Variants in GAB1 observed in about 807,000 individuals in gnomAD.
The protein encoded by GAB1 is GRB2 associated binding protein 1.
Under a neutral mutation model 66.5 loss-of-function variants are expected in GAB1, and 19 were observed. That is an observed-to-expected ratio of 0.29 (90% CI 0.20 to 0.42). The LOEUF (loss-of-function observed/expected upper bound fraction) is 0.42, where lower values mean the gene tolerates loss of function less well. GAB1 is among the 10% of genes least tolerant of loss of function. The pLI, the probability that GAB1 is intolerant of heterozygous loss-of-function variation, is 1.00. For missense variants in GAB1, 732 were observed against 858.5 expected (o/e 0.85, Z 1.84); for synonymous variants, 294 against 301.4 (o/e 0.98, Z 0.25).
In GAB1 at chr4:143,357,955, T is replaced by C. The variant is rs191296954; in HGVS notation, c.72+20695T>C. On this transcript the variant is annotated intron_variant, in intron 1 of 9. Transcript: ENST00000262994. ...ATACATGTTTTGTAAATCTCTCCTTTAGTGGAAGGGAAAGAGGATGCAACT... is the reference window on the plus strand; with the variant it reads ...ATACATGTTTTGTAAATCTCTCCTTCAGTGGAAGGGAAAGAGGATGCAACT... Among the ~76,000 whole-genome samples the C allele has an allele frequency of 2.3e-3, 347 of 152,126 alleles. 3 individuals are homozygous for C. The highest frequency in any genetic ancestry group is 8.0e-3 in the African/African-American group (332 of 41,506).
chr4:143,362,560 C>T (rs1456566941), intron 1 of GAB1, among the ~76,000 whole-genome samples: 1 of 152,148 alleles, frequency 6.6e-6, no homozygotes, highest in Non-Finnish European at 1.5e-5. Context: ...CAGTTTCTCC[C>T]CCTTTTAAAA....
At chr4:143,445,616 G>A (rs936864941) in intron 6 of GAB1, among the ~76,000 whole-genome samples, 4 of 151,994 alleles carry the variant, frequency 2.6e-5, no homozygotes, top group African/African-American at 9.7e-5. Context: ...CTCAATTTCC[G>A]GTTTGTTGCA....
Position 143,340,024 on chromosome 4 carries a change from T to TTATTTAACTGTCAGGTTAAATAAGGCTTG in GAB1, c.72+2770_72+2798dup, listed in dbSNP as rs1553942346. Among the ~76,000 whole-genome samples, 267 of 152,212 alleles carry TTATTTAACTGTCAGGTTAAATAAGGCTTG rather than the reference T, an allele frequency of 1.8e-3. 2 individuals are homozygous for TTATTTAACTGTCAGGTTAAATAAGGCTTG. Among genetic ancestry groups the TTATTTAACTGTCAGGTTAAATAAGGCTTG allele is most frequent in the African/African-American group, 6.4e-3 (264 of 41,494 alleles). On this transcript the variant is annotated intron_variant, in intron 1 of 9. Transcript: ENST00000262994. Reference sequence around the variant, plus strand: ...TGGAGTGTAATGAGTTAAATAAGGCTTATTTAACTGTCAGGTTAAATAAGG... The same window carrying TTATTTAACTGTCAGGTTAAATAAGGCTTG: ...TGGAGTGTAATGAGTTAAATAAGGCTTATTTAACTGTCAGGTTAAATAAGGCTTGTATTTAACTGTCAGGTTAAATAAGG...
chr4:143,375,303 A>G (rs957728402), intron 1 of GAB1, among the ~76,000 whole-genome samples: 123 of 152,364 alleles, frequency 8.1e-4, no homozygotes, highest in African/African-American at 2.9e-3. Flanking sequence ...GATCTATTTT[A>G]AAACTTGCCA....
chr4:143,343,057 C>CT (rs916570912), intron 1 of GAB1, among the ~76,000 whole-genome samples: 1 of 152,284 alleles, frequency 6.6e-6, no homozygotes, highest in African/African-American at 2.4e-5. Context: ...GAAACTCAGA[C>CT]TGAGTGTCAG....
intron 6 of GAB1, among the ~76,000 whole-genome samples, chr4:143,447,289 G>T (rs1319787837): frequency 6.6e-6 from 1 of 152,082 alleles, no homozygotes; most frequent in Non-Finnish European, 1.5e-5. Context: ...CTCTTTTTTG[G>T]TTCTATATGA....
chr4:143,458,732 C>A (rs1239796465), intron 6 of GAB1, among the ~76,000 whole-genome samples: 1 of 151,876 alleles, frequency 6.6e-6, no homozygotes, highest in East Asian at 1.9e-4. Context: ...TATAATTTAG[C>A]AAGAGATTTG....
intron 8 of GAB1, 69 bp from the exon 9 acceptor site, chr4:143,466,034 A>T (rs1735761086): frequency 1.9e-6 from 3 of 1,554,464 alleles, no homozygotes; most frequent in Non-Finnish European, 2.6e-6. Context: ...GCTTCCGTAG[A>T]TGTTCAACAG....
At chr4:143,402,080 G>C (rs1731806962) in intron 1 of GAB1, among the ~76,000 whole-genome samples, 1 of 151,686 alleles carries the variant, frequency 6.6e-6, no homozygotes, top group Non-Finnish European at 1.5e-5. Flanking sequence ...CTCTTTAACA[G>C]CTGCTAGAAT....
At chr4:143,401,885 A>G (rs1386670089) in intron 1 of GAB1, among the ~76,000 whole-genome samples, 1 of 152,196 alleles carries the variant, frequency 6.6e-6, no homozygotes, top group Non-Finnish European at 1.5e-5. Context: ...TATTTATTTA[A>G]AATAAATTTG....
chr4:143,346,010 TAGCC>T (rs1237247638), intron 1 of GAB1, among the ~76,000 whole-genome samples: 1 of 152,240 alleles, frequency 6.6e-6, no homozygotes, highest in Non-Finnish European at 1.5e-5. Context: ...TTTAACTCAT[TAGCC>T]AGCCAGTTGT....
chr4:143,356,271 T>A (rs1729443746), intron 1 of GAB1, among the ~76,000 whole-genome samples: 1 of 152,204 alleles, frequency 6.6e-6, no homozygotes, highest in African/African-American at 2.4e-5. Context: ...TTAACTCAGA[T>A]AAAATAACTG....
At chr4:143,466,899 G>A (rs1280591941) in intron 9 of GAB1, among the ~76,000 whole-genome samples, 1 of 151,960 alleles carries the variant, frequency 6.6e-6, no homozygotes, top group Non-Finnish European at 1.5e-5. Flanking sequence ...TTTTTGTTAA[G>A]CCCACTAATT....
chr4:143,454,677 C>G (rs1735088011), intron 6 of GAB1, among the ~76,000 whole-genome samples: 1 of 152,162 alleles, frequency 6.6e-6, no homozygotes, highest in African/African-American at 2.4e-5. Context: ...AATGTTAATT[C>G]TTGGATCAGT....
intron 2 of GAB1, among the ~76,000 whole-genome samples, chr4:143,418,919 T>C (rs1217764007): frequency 6.6e-6 from 1 of 152,164 alleles, no homozygotes. Flanking sequence ...ATTCTTATCA[T>C]TTGGGAGCCT....
At chr4:143,460,231 G>T in intron 7 of GAB1, 133 bp from the exon 8 acceptor site, 2 of 757,368 alleles carry the variant, frequency 2.6e-6, no homozygotes, top group East Asian at 2.7e-5. Flanking sequence ...CATTATAAAT[G>T]TGTACAATGA....
chr4:143,460,568 A>G (rs1735437381), intron 8 of GAB1, 81 bp downstream of exon 8: 1 of 1,281,476 alleles, frequency 7.8e-7, no homozygotes, highest in South Asian at 1.5e-5. Flanking sequence ...TATAAATTTT[A>G]TCCTCGTATC....
intron 1 of GAB1, among the ~76,000 whole-genome samples, chr4:143,371,102 TAG>T (rs938207028): frequency 1.3e-5 from 2 of 152,284 alleles, no homozygotes; most frequent in Admixed American, 1.3e-4. Flanking sequence ...TTTCTAGTTC[TAG>T]ATCCCTGAGG....
rs1017651844 is a variant in GAB1 at position 143,425,207 on chromosome 4, G to A, written c.368-8284G>A. ...GCATCTACATTATAAATCTGAAGAG[G>A]ACCTGGGAGAAGCTTCTGCTGGCAG... On this transcript the variant is annotated intron_variant, in intron 2 of 9. Coordinates refer to ENST00000262994, the MANE Select transcript of GAB1 (RefSeq NM_002039.4). 23 of 868,080 alleles carry A rather than the reference G, an allele frequency of 2.6e-5. No homozygotes were observed. In the African/African-American group the frequency reaches 3.8e-4, roughly 14 times the overall value. 53.8% of individuals were successfully genotyped at this position (868,080 alleles called of 1,614,324 possible). A position where few individuals can be genotyped will look rare whatever the true frequency, so the allele number is the denominator to read the frequency against.
Sources: allele counts gnomAD v4.1 joint callset (sites outside exome capture counted in the v4.1 genomes callset), GRCh38; gene constraint gnomAD v4.1.1; transcripts MANE v1.5; gene names NCBI Gene and HGNC (gene_info 2026-07-23, HGNC 2026-07-21).